The following AFF2 variants were observed in gnomAD, a reference collection of about 807,000 sequenced individuals.
AFF2 encodes ALF transcription elongation factor 2.
A neutral mutation model predicts 76.9 loss-of-function variants in AFF2; 14 were observed. The observed-to-expected ratio is 0.18, with a 90% CI of 0.12 to 0.28. The LOEUF is 0.28. Among genes scored for constraint, AFF2 ranks in the 10% least tolerant of loss-of-function variants. The pLI, the probability that AFF2 is intolerant of heterozygous loss-of-function variation, is 1.00. For synonymous variants in AFF2, 398 were observed against 366.7 expected (o/e 1.09, Z -0.98); for missense variants, 868 against 1,001.1 (o/e 0.87, Z 1.79).
rs1422540575 is a variant in AFF2, at chrX:148,759,782, T to A, written c.1042-50094T>A. ...TAGATCTATCATAAATAGATTAAAA[T>A]AGCTTCAGCAGCATTTATCCTGTGC... On this transcript the variant is annotated intron_variant, in intron 3 of 20. Coordinates refer to ENST00000370460, the MANE Select transcript of AFF2 (RefSeq NM_002025.4). Among the ~76,000 whole-genome samples, 3 of 112,309 alleles carry A rather than the reference T, an allele frequency of 2.7e-5. No homozygotes were observed. The Admixed American group carries it at 2.8e-4, about 11-fold the overall frequency.
chrX:148,930,616 C>T (rs781816705), intron 9 of AFF2, among the ~76,000 whole-genome samples: 1 of 112,705 alleles, frequency 8.9e-6, no homozygotes, highest in South Asian at 3.7e-4. Flanking sequence ...CCATTCACTA[C>T]TGGCATTCTA....
intron 7 of AFF2, among the ~76,000 whole-genome samples, chrX:148,854,691 C>T (rs1394439817): frequency 9.0e-6 from 1 of 111,257 alleles, no homozygotes; most frequent in Non-Finnish European, 1.9e-5. Flanking sequence ...CTCCCAGAGC[C>T]AGGGAAATGA....
chrX:148,828,905 C>T (rs985110755), intron 4 of AFF2, among the ~76,000 whole-genome samples: 1 of 112,147 alleles, frequency 8.9e-6, no homozygotes. Context: ...ATTCAGAATA[C>T]TGATCACTAT....
intron 8 of AFF2, among the ~76,000 whole-genome samples, chrX:148,891,721 C>G (rs1263873675): frequency 9.0e-6 from 1 of 111,331 alleles, no homozygotes; most frequent in African/African-American, 3.3e-5. Context: ...CTTGTGATGC[C>G]TGGGTTCTGA....
intron 1 of AFF2, among the ~76,000 whole-genome samples, chrX:148,554,480 G>A (rs1337222037): frequency 8.9e-6 from 1 of 112,165 alleles, no homozygotes; most frequent in Non-Finnish European, 1.9e-5. Flanking sequence ...CTGGAGGTTA[G>A]CAGAGGGTGA....
intron 3 of AFF2, among the ~76,000 whole-genome samples, chrX:148,740,497 A>G (rs1358394255): frequency 1.8e-5 from 2 of 111,621 alleles, no homozygotes; most frequent in Non-Finnish European, 3.8e-5. Context: ...AGTTTCCTGA[A>G]TTTTTTATTG....
intron 20 of AFF2, 58 bp downstream of exon 20, chrX:148,987,615 T>G (rs782678096): frequency 9.9e-7 from 1 of 1,008,216 alleles, no homozygotes; most frequent in African/African-American, 1.9e-5. Flanking sequence ...TAACTTCACT[T>G]TGAAGGACTT....
intron 1 of AFF2, among the ~76,000 whole-genome samples, chrX:148,597,514 C>T (rs1285381047): frequency 8.9e-6 from 1 of 112,144 alleles, no homozygotes; most frequent in African/African-American, 3.2e-5. Flanking sequence ...ATCCGCAGGA[C>T]TAAAATGGTT....
At position 148,956,046 on chromosome X, in the gene AFF2, A is replaced by G; in HGVS notation, c.2001A>G (p.Pro667=). ...EKESVELHDP[P]RGRNKATAHK... Reference sequence around the variant, plus strand: ...AAAGTGTGGAGCTTCATGACCCACCAAGAGGCCGCAACAAAGCCACTGCCC... The same window carrying G: ...AAAGTGTGGAGCTTCATGACCCACCGAGAGGCCGCAACAAAGCCACTGCCC... The change falls in exon 11 of 21, where the codon CCA becomes CCG. Residue 667 remains proline, a synonymous_variant. Transcript: ENST00000370460. 1 of 1,211,422 alleles carries G rather than the reference A, an allele frequency of 8.3e-7. No individual in the cohort carries two copies. The highest frequency in any genetic ancestry group is 1.1e-6 in the Non-Finnish European group (1 of 895,435).
intron 1 of AFF2, among the ~76,000 whole-genome samples, chrX:148,524,508 T>TGTAG (rs1199321642): frequency 9.8e-5 from 11 of 111,842 alleles, no homozygotes; most frequent in Non-Finnish European, 2.1e-4. Flanking sequence ...TCAATTTGGC[T>TGTAG]GTAGAGCTGA....
chrX:148,670,102 C>T (rs2054405724), intron 3 of AFF2, among the ~76,000 whole-genome samples: 1 of 111,913 alleles, frequency 8.9e-6, no homozygotes, highest in Non-Finnish European at 1.9e-5. Context: ...TTTAGTGTCT[C>T]CCTAAGCTAA....
At chrX:148,890,302 A>G (rs1214233637) in intron 8 of AFF2, among the ~76,000 whole-genome samples, 4 of 112,394 alleles carry the variant, frequency 3.6e-5, no homozygotes, top group Middle Eastern at 4.6e-3. Flanking sequence ...ATCTCTTACC[A>G]GTAGACTGGA....
chrX:148,820,542 A>T (rs1182511788), intron 4 of AFF2, among the ~76,000 whole-genome samples: 1 of 112,068 alleles, frequency 8.9e-6, no homozygotes, highest in African/African-American at 3.2e-5. Flanking sequence ...AGGAAAAATT[A>T]TGAGATAATG....
chrX:148,701,601 A>C (rs782126469), intron 3 of AFF2, among the ~76,000 whole-genome samples: 13 of 112,424 alleles, frequency 1.2e-4, no homozygotes, highest in Non-Finnish European at 2.4e-4. Context: ...AAATTATTTT[A>C]ATACTCTACA....
intron 4 of AFF2, among the ~76,000 whole-genome samples, chrX:148,817,365 A>G (rs1049241896): frequency 3.6e-5 from 4 of 111,381 alleles, no homozygotes; most frequent in Non-Finnish European, 7.6e-5. Flanking sequence ...ACAAATAAAT[A>G]TAAACCGGTG....
chrX:148,603,119 A>G (rs1454141291), intron 1 of AFF2, among the ~76,000 whole-genome samples: 1 of 111,823 alleles, frequency 8.9e-6, no homozygotes, highest in African/African-American at 3.2e-5. Context: ...ACAAACCATA[A>G]GAAATAACAA....
At chrX:148,701,382 C>A (rs782155183) in intron 3 of AFF2, among the ~76,000 whole-genome samples, 4 of 111,036 alleles carry the variant, frequency 3.6e-5, no homozygotes, top group Non-Finnish European at 5.7e-5. Context: ...GGTCCTCCAT[C>A]TGTTCTGATA....
At chrX:148,774,266 A>C (rs1233599265) in intron 3 of AFF2, among the ~76,000 whole-genome samples, 1 of 112,104 alleles carries the variant, frequency 8.9e-6, no homozygotes, top group Admixed American at 9.5e-5. Context: ...CGCAAGAGGA[A>C]AGAGACATAC....
intron 8 of AFF2, among the ~76,000 whole-genome samples, chrX:148,887,965 C>A (rs1166897490): frequency 1.8e-5 from 2 of 112,590 alleles, no homozygotes; most frequent in African/African-American, 6.4e-5. Flanking sequence ...GTTTGCAGAG[C>A]TCTGCTTTTA....
Sources: allele counts gnomAD v4.1 joint callset (sites outside exome capture counted in the v4.1 genomes callset), GRCh38; gene constraint gnomAD v4.1.1; transcripts MANE v1.5; gene names NCBI Gene and HGNC (gene_info 2026-07-23, HGNC 2026-07-21).